GLB1L3: variants seen among roughly 807,000 people sequenced by gnomAD.
GLB1L3 encodes beta-galactosidase-1-like protein 3.
In GLB1L3, 89 loss-of-function variants were observed where a neutral mutation model predicts 89.5. The ratio of observed to expected loss-of-function variants is 0.99; its 90% CI spans 0.84 to 1.19. The LOEUF is 1.19. GLB1L3 is among the 50% of genes most tolerant of loss of function. GLB1L3 has a pLI of 0.00. For missense variants in GLB1L3, 812 were observed against 813.3 expected, an observed-to-expected ratio of 1.00 and a Z score of 0.02; for synonymous variants, 314 against 312.3, an observed-to-expected ratio of 1.01 and a Z score of -0.06.
Position 134,276,711 on chromosome 11 carries a change from AG to A in GLB1L3, c.-27del, listed in dbSNP as rs1940384798. 1 of 1,439,074 alleles carries A rather than the reference AG, an allele frequency of 6.9e-7. No individual in the cohort carries two copies. Among genetic ancestry groups the A allele is most frequent in the Non-Finnish European group, 9.1e-7 (1 of 1,097,262 alleles). The allele number at this position is 1,439,074 out of a possible 1,614,324, so 89.1% of individuals were successfully genotyped here. A position where few individuals can be genotyped will look rare whatever the true frequency, so the allele number is the denominator to read the frequency against. On this transcript the variant is annotated 5_prime_UTR_variant, in exon 1 of 20. Coordinates refer to ENST00000431683, the MANE Select transcript of GLB1L3 (RefSeq NM_001080407.3). ...CCAGCGGAGAGGGGCGGAAGCCGCAAGGGACCCTCGGCGCCTCGGCCTGGCC... is the reference window on the plus strand; with the variant it reads ...CCAGCGGAGAGGGGCGGAAGCCGCAAGGACCCTCGGCGCCTCGGCCTGGCC...
chr11:134,308,655 TCACCACCACCACCACCACCAA>T (rs1343165727), intron 10 of GLB1L3, among the ~76,000 whole-genome samples: 2 of 105,546 alleles, frequency 1.9e-5, no homozygotes, highest in South Asian at 3.4e-4. Context: ...ACCACCATCA[TCACCACCACCACCACCACCAA>T]CACCACCACC....
intron 3 of GLB1L3, among the ~76,000 whole-genome samples, chr11:134,280,303 A>G (rs189787256): frequency 6.6e-6 from 1 of 152,338 alleles, no homozygotes; most frequent in Admixed American, 6.5e-5. Flanking sequence ...GACATAGTAC[A>G]TGCCAATATT....
intron 6 of GLB1L3, 29 bp downstream of exon 6, chr11:134,283,874 C>T: frequency 7.8e-7 from 1 of 1,274,380 alleles, no homozygotes; most frequent in Non-Finnish European, 1.1e-6. Flanking sequence ...CTGCATCTTT[C>T]TTACGTGCCC....
Position 134,305,033 on chromosome 11 carries a change from A to G in GLB1L3, c.877-2091A>G, listed in dbSNP as rs1214414790. ...AATGTATCTTAGTGGCATAATAACA[A>G]TGTATCTTAGTGGCACAATGCTGTA... On this transcript the variant is annotated intron_variant, in intron 9 of 19. Transcript: ENST00000431683. 2.5e-5 allele frequency: 37 copies of G among 1,488,270 alleles called. 1 individual carries two copies. The South Asian group carries it at 2.6e-4, about 11-fold the overall frequency. The allele number at this position is 1,488,270 out of a possible 1,614,324, so 92.2% of individuals were successfully genotyped here. A position where few individuals can be genotyped will look rare whatever the true frequency, so the allele number is the denominator to read the frequency against.
rs144057287 is a variant in GLB1L3 at position 134,318,095 on chromosome 11, C to T, written c.1780-536C>T. Reference sequence around the variant, plus strand: ...ATAACTACTTTATTTGAAATCAAGACCAGCAACCTTTGCCCTTTAATTTGA... The same window carrying T: ...ATAACTACTTTATTTGAAATCAAGATCAGCAACCTTTGCCCTTTAATTTGA... On this transcript the variant is annotated intron_variant, in intron 18 of 19. Coordinates refer to ENST00000431683, the MANE Select transcript of GLB1L3 (RefSeq NM_001080407.3). 9.9e-5 allele frequency among the ~76,000 whole-genome samples: 15 copies of T among 152,254 alleles called. No individual in the cohort carries two copies. In the East Asian group the frequency reaches 2.9e-3, roughly 29 times the overall value.
intron 10 of GLB1L3, 125 bp downstream of exon 10, chr11:134,307,333 T>C: frequency 1.4e-6 from 1 of 691,404 alleles, no homozygotes. Flanking sequence ...ACTTTTCACA[T>C]ACAAGCACTC....
At chr11:134,286,634 G>A (rs557336683) in intron 6 of GLB1L3, among the ~76,000 whole-genome samples, 35 of 151,634 alleles carry the variant, frequency 2.3e-4, no homozygotes, top group African/African-American at 5.1e-4. Context: ...AAAATTAGCC[G>A]GGCGTGGTGG....
downstream of GLB1L3, among the ~76,000 whole-genome samples, chr11:134,323,353 TCTA>T (rs1943187781): frequency 6.6e-6 from 1 of 151,658 alleles, no homozygotes; most frequent in Admixed American, 6.6e-5. Context: ...AAACCCCGTC[TCTA>T]CTAAACACAC....
intron 3 of GLB1L3, among the ~76,000 whole-genome samples, chr11:134,279,184 T>C (rs973012395): frequency 6.6e-6 from 1 of 152,104 alleles, no homozygotes; most frequent in East Asian, 1.9e-4. Context: ...ACCCTGAAAG[T>C]TTCTTAAGAT....
intron 6 of GLB1L3, among the ~76,000 whole-genome samples, chr11:134,285,340 T>C (rs909698411): frequency 6.6e-6 from 1 of 152,160 alleles, no homozygotes; most frequent in Non-Finnish European, 1.5e-5. Context: ...AAAAGAACAT[T>C]GTACTGTGCG....
rs757126397 is a variant in GLB1L3 at position 134,293,216 on chromosome 11, C to T, written c.876+7C>T. 10 of 1,611,778 alleles carry T rather than the reference C, an allele frequency of 6.2e-6. No individual in the cohort carries two copies. The South Asian group carries it at 8.8e-5, about 14-fold the overall frequency. ...TCAGCTTCATAAAGTCCAGGTAAGA[C>T]ATTTCAGACAGGCAGGGTTTTACAG... On this transcript the variant is annotated splice_region_variant and intron_variant, in intron 9 of 19. Coordinates refer to ENST00000431683, the MANE Select transcript of GLB1L3 (RefSeq NM_001080407.3).
rs1555070586 is a variant in GLB1L3, at chr11:134,277,438, C to G, written c.136C>G (p.Pro46Ala). 8 of 1,613,086 alleles carry G rather than the reference C, an allele frequency of 5.0e-6. No individual in the cohort carries two copies. The East Asian group carries it at 1.6e-4, about 31-fold the overall frequency. The change falls in exon 2 of 20, where the codon CCG becomes GCG. Residue 46 changes from proline (P) to alanine (A), a missense_variant. Transcript: ENST00000431683. ...GAACTTCATGCTTGGAAGAGCGCATCCGTCCCAGCCTAGGTTTGCTTGAGA... is the reference window on the plus strand; with the variant it reads ...GAACTTCATGCTTGGAAGAGCGCATGCGTCCCAGCCTAGGTTTGCTTGAGA... Reference protein sequence around the residue: ...EENFMLGRAHPSQPRFNWSHL... With the variant: ...EENFMLGRAHASQPRFNWSHL...
Position 134,314,858 on chromosome 11 carries a change from G to A in GLB1L3, c.1779+417G>A, listed in dbSNP as rs139183879. 9.3e-4 allele frequency among the ~76,000 whole-genome samples: 142 copies of A among 152,234 alleles called. 1 individual carries two copies. The East Asian group carries it at 0.021, about 23-fold the overall frequency. On this transcript the variant is annotated intron_variant, in intron 18 of 19. Transcript: ENST00000431683. Reference sequence around the variant, plus strand: ...AGCTTGCCTTTTTTTTCTGTGTGGGGTGAGTTGGTAAGTTAGTTTTTACTT... The same window carrying A: ...AGCTTGCCTTTTTTTTCTGTGTGGGATGAGTTGGTAAGTTAGTTTTTACTT...
chr11:134,313,010 G>A (rs1177073803), intron 15 of GLB1L3, 123 bp downstream of exon 15: 53 of 769,994 alleles, frequency 6.9e-5, no homozygotes, highest in South Asian at 2.8e-4. Context: ...CACCTGGGGC[G>A]GCGGCAGGAA....
chr11:134,280,648 A>G (rs978767985), intron 3 of GLB1L3, among the ~76,000 whole-genome samples: 1 of 151,912 alleles, frequency 6.6e-6, no homozygotes, highest in Non-Finnish European at 1.5e-5. Flanking sequence ...GTAACTTACA[A>G]CATACAACAA....
intron 9 of GLB1L3, among the ~76,000 whole-genome samples, chr11:134,298,942 A>T (rs763943030): frequency 3.9e-5 from 6 of 152,150 alleles, no homozygotes; most frequent in Non-Finnish European, 7.4e-5. Flanking sequence ...TTCAAATCGC[A>T]CGTACATTAG....
intron 9 of GLB1L3, among the ~76,000 whole-genome samples, chr11:134,298,916 C>G (rs1395011951): frequency 6.6e-6 from 1 of 152,152 alleles, no homozygotes; most frequent in Non-Finnish European, 1.5e-5. Flanking sequence ...TTTCTCTGCT[C>G]TCTCACCTTC....
chr11:134,310,139 T>C, intron 11 of GLB1L3: 1 of 384,246 alleles, frequency 2.6e-6, no homozygotes, highest in Non-Finnish European at 4.7e-6. Flanking sequence ...TCTTTTGGCT[T>C]CCCTGGGCCA....
intron 18 of GLB1L3, among the ~76,000 whole-genome samples, chr11:134,315,724 G>A (rs1942949563): frequency 6.6e-6 from 1 of 151,920 alleles, no homozygotes; most frequent in Admixed American, 6.6e-5. Context: ...TTTATTAATT[G>A]TTCAAAGTAC....
Sources: gnomAD v4.1 joint callset for allele counts (sites outside exome capture counted in the v4.1 genomes callset) on GRCh38, gnomAD v4.1.1 for gene constraint, MANE v1.5 for transcripts, NCBI Gene and HGNC (gene_info 2026-07-23, HGNC 2026-07-21) for gene names.